GRID1: variants seen among roughly 807,000 people sequenced by gnomAD.
The protein encoded by GRID1 is glutamate receptor ionotropic, delta-1.
Under a neutral mutation model 98.0 loss-of-function variants are expected in GRID1, and 28 were observed. The ratio of observed to expected loss-of-function variants is 0.29; its 90% CI spans 0.21 to 0.39. GRID1 has a LOEUF of 0.39. Ranked by LOEUF, GRID1 falls within the 10% of genes least tolerant of loss-of-function variation. The probability of loss-of-function intolerance (pLI) is 1.00; values close to 1 mark genes in which losing one functional copy is unlikely to be tolerated. For missense variants in GRID1, 1,111 were observed against 1,340.5 expected (o/e 0.83, Z 2.67); for synonymous variants, 553 against 538.5 (o/e 1.03, Z -0.37).
chr10:86,283,522 C>T (rs955584164), intron 2 of GRID1, among the ~76,000 whole-genome samples: 3 of 151,294 alleles, frequency 2.0e-5, no homozygotes, highest in Non-Finnish European at 4.4e-5. Context: ...GGTAGCTTGC[C>T]CACATGACAC....
chr10:86,175,058 C>T (rs186474730), intron 3 of GRID1, among the ~76,000 whole-genome samples: 3 of 152,168 alleles, frequency 2.0e-5, no homozygotes, highest in African/African-American at 7.2e-5. Context: ...TGTAAACTAG[C>T]TCAGTCTTCT....
intron 8 of GRID1, among the ~76,000 whole-genome samples, chr10:85,853,727 T>A (rs572493625): frequency 6.6e-6 from 1 of 152,310 alleles, no homozygotes; most frequent in South Asian, 2.1e-4. Context: ...GTCCTTCACT[T>A]GGATAATTGT....
chr10:85,644,947 T>C (rs1843166433), intron 13 of GRID1, among the ~76,000 whole-genome samples: 1 of 152,262 alleles, frequency 6.6e-6, no homozygotes, highest in South Asian at 2.1e-4. Context: ...CCATTTGTGT[T>C]GCCTCTTCTG....
chr10:85,787,967 C>T (rs1468455212), intron 8 of GRID1, among the ~76,000 whole-genome samples: 1 of 151,818 alleles, frequency 6.6e-6, no homozygotes, highest in East Asian at 1.9e-4. Context: ...GCTCTTTGCT[C>T]TTGTCTCCTG....
At chr10:85,969,958 T>C (rs553486020) in intron 4 of GRID1, among the ~76,000 whole-genome samples, 6 of 151,576 alleles carry the variant, frequency 4.0e-5, no homozygotes, top group African/African-American at 1.5e-4. Context: ...GATTTATCAA[T>C]TAAAAATTAT....
chr10:85,706,890 G>C (rs1282338082), intron 12 of GRID1, among the ~76,000 whole-genome samples: 1 of 152,132 alleles, frequency 6.6e-6, no homozygotes. Context: ...AAATGGTGCT[G>C]GGAAAACTGG....
In GRID1 at chr10:86,364,092, G is replaced by C. The variant is rs1217890589; in HGVS notation, c.84C>G (p.Ala28=). 1 of 1,613,418 alleles carries C rather than the reference G, an allele frequency of 6.2e-7. No individual in the cohort carries two copies. The highest frequency in any genetic ancestry group is 1.7e-5 in the Admixed American group (1 of 59,996). The change falls in exon 2 of 16, where the codon GCC becomes GCG. Residue 28 remains alanine, a synonymous_variant. Coordinates refer to ENST00000327946, the MANE Select transcript of GRID1 (RefSeq NM_017551.3). ...VRADSIIHIG[A]IFEENAAKDD... ...CCTTGGCCGCGTTCTCCTCGAAGAT[G>C]GCACCTGGAGGAGAGAAGGGATCAA...
chr10:85,754,246 G>T (rs1842074885), intron 8 of GRID1, among the ~76,000 whole-genome samples: 1 of 152,086 alleles, frequency 6.6e-6, no homozygotes. Flanking sequence ...TCACAGAGTT[G>T]TTTCTTCTAT....
At chr10:85,816,864 C>T (rs1482402450) in intron 8 of GRID1, among the ~76,000 whole-genome samples, 9 of 152,066 alleles carry the variant, frequency 5.9e-5, no homozygotes. Context: ...TTCCACTCTT[C>T]ACCCTCAAGT....
At chr10:86,175,242 C>T (rs1212499587) in intron 3 of GRID1, among the ~76,000 whole-genome samples, 1 of 151,398 alleles carries the variant, frequency 6.6e-6, no homozygotes, top group Non-Finnish European at 1.5e-5. Context: ...ACTGTCTCAA[C>T]TTGTGGATCT....
chr10:85,820,027 A>AGTC (rs1564600205), intron 8 of GRID1, among the ~76,000 whole-genome samples: 1 of 66,498 alleles, frequency 1.5e-5, no homozygotes, highest in African/African-American at 7.6e-5. Context: ...GGAAGGAAGG[A>AGTC]AGGCAGGCAG....
chr10:86,147,413 G>A (rs1845104390), intron 3 of GRID1, among the ~76,000 whole-genome samples: 1 of 152,150 alleles, frequency 6.6e-6, no homozygotes, highest in African/African-American at 2.4e-5. Flanking sequence ...AACAACGCTG[G>A]AGGCATCACA....
intron 4 of GRID1, among the ~76,000 whole-genome samples, chr10:85,987,868 A>G (rs1842631850): frequency 6.6e-6 from 1 of 151,944 alleles, no homozygotes; most frequent in African/African-American, 2.4e-5. Flanking sequence ...TTCTTCATAG[A>G]CATCATAATT....
intron 4 of GRID1, among the ~76,000 whole-genome samples, chr10:86,109,971 CTTTT>C (rs56917207): frequency 4.5e-4 from 55 of 120,978 alleles, no homozygotes; most frequent in Middle Eastern, 4.2e-3. Context: ...CTCTGCCATT[CTTTT>C]TTTTTTTTTT....
chr10:85,980,167 A>G (rs1441651606), intron 4 of GRID1, among the ~76,000 whole-genome samples: 6 of 152,112 alleles, frequency 3.9e-5, no homozygotes, highest in African/African-American at 7.2e-5. Context: ...AATTTCTCTT[A>G]CCCGTCAGAC....
At chr10:86,269,279 G>C (rs919926272) in intron 2 of GRID1, among the ~76,000 whole-genome samples, 2 of 152,214 alleles carry the variant, frequency 1.3e-5, no homozygotes, top group African/African-American at 4.8e-5. Flanking sequence ...GAAATGGCCT[G>C]AGTCCCAAGC....
chr10:86,343,186 C>T (rs1848335320), intron 2 of GRID1, among the ~76,000 whole-genome samples: 1 of 152,212 alleles, frequency 6.6e-6, no homozygotes, highest in Non-Finnish European at 1.5e-5. Context: ...CTTCTTCTAA[C>T]AGAACAGAAC....
intron 8 of GRID1, among the ~76,000 whole-genome samples, chr10:85,818,958 T>C (rs965309196): frequency 6.6e-6 from 1 of 152,156 alleles, no homozygotes; most frequent in South Asian, 2.1e-4. Flanking sequence ...TGAGCTTGAG[T>C]GATCCGCCCG....
chr10:86,360,455 T>C (rs995848106), intron 2 of GRID1, among the ~76,000 whole-genome samples: 1 of 152,258 alleles, frequency 6.6e-6, no homozygotes, highest in African/African-American at 2.4e-5. Flanking sequence ...CCTTTTTCTT[T>C]TTTATATTTT....
Sources: allele counts gnomAD v4.1 joint callset (sites outside exome capture counted in the v4.1 genomes callset), GRCh38; gene constraint gnomAD v4.1.1; transcripts MANE v1.5; gene names NCBI Gene and HGNC (gene_info 2026-07-23, HGNC 2026-07-21).